Variants in DGKG observed in about 807,000 individuals in gnomAD.
DGKG encodes the protein DAG kinase gamma.
DGKG carries 78 observed loss-of-function variants against 105.3 expected under a neutral mutation model. The observed-to-expected ratio is 0.74, with a 90% confidence interval of 0.62 to 0.89. The LOEUF (loss-of-function observed/expected upper bound fraction) is 0.89, where lower values mean the gene tolerates loss of function less well. Ranked by LOEUF, DGKG falls within the 40% of genes least tolerant of loss-of-function variation. DGKG has a pLI of 0.00. For synonymous variants in DGKG, 346 were observed against 367.1 expected, an observed-to-expected ratio of 0.94 and a Z score of 0.66; for missense variants, 958 against 1,020.1, an observed-to-expected ratio of 0.94 and a Z score of 0.83.
In DGKG at chr3:186,148,650, A is replaced by T; in HGVS notation, c.*1440T>A. 2.0e-6 allele frequency: 2 copies of T among 985,352 alleles called. No homozygotes were observed. Among genetic ancestry groups the T allele is most frequent in the Non-Finnish European group, 2.4e-6 (2 of 829,902 alleles). The allele number at this position is 985,352 out of a possible 1,614,324, so 61.0% of individuals were successfully genotyped here. On this transcript the variant is annotated 3_prime_UTR_variant, in exon 25 of 25. Transcript: ENST00000265022. ...ACTCTCAAGCTGCATTAGCCAAGAC[A>T]CCATGGAAAAGTCTCTGAACTTTTC...
At chr3:186,167,728 T>C (rs1716613295) in intron 22 of DGKG, among the ~76,000 whole-genome samples, 1 of 152,194 alleles carries the variant, frequency 6.6e-6, no homozygotes, top group East Asian at 1.9e-4. Context: ...GTATTTAAGA[T>C]GGAATGTGTA....
At chr3:186,263,752 C>G (rs1264888084) in intron 14 of DGKG, among the ~76,000 whole-genome samples, 1 of 151,694 alleles carries the variant, frequency 6.6e-6, no homozygotes, top group Non-Finnish European at 1.5e-5. Flanking sequence ...AACCCTACTA[C>G]CAAGGACCCT....
rs374370134 is a variant in DGKG, at chr3:186,298,046, G to A, written c.310+18C>T. ...GAGCTGCGCAAGGTCTTCCCATCTT[G>A]GGGAAAGCTCTGTGTACCTGCGCTG... On this transcript the variant is annotated intron_variant, in intron 4 of 24. Coordinates refer to ENST00000265022, the MANE Select transcript of DGKG (RefSeq NM_001346.3). The A allele has an allele frequency of 6.3e-7, 1 of 1,593,518 alleles. No homozygotes were observed. Among genetic ancestry groups the A allele is most frequent in the Non-Finnish European group, 8.5e-7 (1 of 1,170,386 alleles).
intron 2 of DGKG, among the ~76,000 whole-genome samples, chr3:186,313,220 G>T (rs1724644722): frequency 6.6e-6 from 1 of 152,170 alleles, no homozygotes; most frequent in South Asian, 2.1e-4. Context: ...GCAGAACATT[G>T]GAAGTATTCC....
At chr3:186,255,939 T>C (rs1442806703) in intron 17 of DGKG, among the ~76,000 whole-genome samples, 1 of 152,212 alleles carries the variant, frequency 6.6e-6, no homozygotes, top group Non-Finnish European at 1.5e-5. Context: ...AAACTAATGT[T>C]TCTTCCTCCT....
chr3:186,285,057 CTTCTA>C (rs1368734942), intron 6 of DGKG, among the ~76,000 whole-genome samples: 1 of 152,202 alleles, frequency 6.6e-6, no homozygotes, highest in African/African-American at 2.4e-5. Flanking sequence ...CAGAATTTTT[CTTCTA>C]TTGAGCATAG....
chr3:186,270,070 C>T (rs181069854), intron 11 of DGKG, among the ~76,000 whole-genome samples: 20 of 152,136 alleles, frequency 1.3e-4, no homozygotes, highest in African/African-American at 3.1e-4. Context: ...GCCACAAGCA[C>T]GGTATTAAAA....
chr3:186,151,627 A>G (rs550590586), intron 24 of DGKG, among the ~76,000 whole-genome samples: 2 of 152,304 alleles, frequency 1.3e-5, no homozygotes, highest in Middle Eastern at 6.8e-3. Flanking sequence ...AGGGAGGCAG[A>G]AAGACTGGGT....
intron 2 of DGKG, among the ~76,000 whole-genome samples, chr3:186,315,390 T>C (rs1724768090): frequency 6.6e-6 from 1 of 152,198 alleles, no homozygotes; most frequent in African/African-American, 2.4e-5. Context: ...CACCTTTCCC[T>C]TCCCTTCTCC....
intron 1 of DGKG, among the ~76,000 whole-genome samples, chr3:186,358,756 C>A (rs990911499): frequency 6.6e-6 from 1 of 151,672 alleles, no homozygotes; most frequent in East Asian, 1.9e-4. Flanking sequence ...TACAAATAAA[C>A]AACTCTTTGA....
At chr3:186,187,165 C>G (rs1717680677) in intron 22 of DGKG, among the ~76,000 whole-genome samples, 1 of 152,202 alleles carries the variant, frequency 6.6e-6, no homozygotes, top group Non-Finnish European at 1.5e-5. Context: ...GTGTCATAAC[C>G]TGACTGCTCT....
chr3:186,339,661 T>C (rs1258474319), intron 1 of DGKG, among the ~76,000 whole-genome samples: 1 of 152,094 alleles, frequency 6.6e-6, no homozygotes, highest in Non-Finnish European at 1.5e-5. Context: ...TGTGTGTGGG[T>C]TGTGGGGGTG....
chr3:186,272,666 C>A (rs930414314), intron 10 of DGKG, among the ~76,000 whole-genome samples: 1 of 152,184 alleles, frequency 6.6e-6, no homozygotes, highest in Admixed American at 6.5e-5. Flanking sequence ...CCTGGCTATG[C>A]CAGTGCCACT....
intron 1 of DGKG, among the ~76,000 whole-genome samples, chr3:186,326,270 TAGTCCC>T (rs1725336895): frequency 1.3e-5 from 2 of 152,092 alleles, no homozygotes; most frequent in African/African-American, 4.8e-5. Context: ...TACATGCCTG[TAGTCCC>T]AGCTACTCAG....
intron 3 of DGKG, chr3:186,306,634 A>G (rs932639992): frequency 5.2e-6 from 2 of 384,250 alleles, no homozygotes; most frequent in Non-Finnish European, 9.4e-6. Context: ...GAAGCAGAAA[A>G]CTCAGTTGTT....
intron 24 of DGKG, among the ~76,000 whole-genome samples, chr3:186,156,200 T>C (rs958482450): frequency 2.6e-5 from 4 of 152,174 alleles, no homozygotes; most frequent in Non-Finnish European, 4.4e-5. Context: ...AGTGTAATTA[T>C]GATCATCTAT....
intron 1 of DGKG, among the ~76,000 whole-genome samples, chr3:186,344,374 G>T (rs1048434196): frequency 2.9e-4 from 42 of 145,820 alleles, no homozygotes; most frequent in African/African-American, 1.1e-3. Flanking sequence ...AGAAAATGTG[G>T]TACATATACA....
In DGKG at chr3:186,333,178, C is replaced by T. The variant is rs138637136; in HGVS notation, c.-248-12471G>A. Among the ~76,000 whole-genome samples the T allele has an allele frequency of 3.5e-3, 539 of 152,228 alleles. 3 individuals carry two copies. Among genetic ancestry groups the T allele is most frequent in the African/African-American group, 0.012 (513 of 41,516 alleles). ...AACTTTCTGTCAGTGGCTTTGAAAG[C>T]GTGGTCCTCATCCCAGCAGCATCAG... is the stretch of plus-strand genomic sequence containing the variant. On this transcript the variant is annotated intron_variant, in intron 1 of 24. Transcript: ENST00000265022.
chr3:186,190,414 G>C (rs74711904), intron 21 of DGKG, among the ~76,000 whole-genome samples: 4,349 of 152,310 alleles, frequency 0.029, 222 homozygotes, highest in African/African-American at 0.099. Context: ...AGTACTTCTT[G>C]TGGCTGAAAT....
Sources: allele counts gnomAD v4.1 joint callset (sites outside exome capture counted in the v4.1 genomes callset), GRCh38; gene constraint gnomAD v4.1.1; transcripts MANE v1.5; gene names NCBI Gene and HGNC (gene_info 2026-07-23, HGNC 2026-07-21).